The following NME7 variants were observed in gnomAD, a reference collection of about 807,000 sequenced individuals.
NME7 encodes nucleoside diphosphate kinase 7.
Under a neutral mutation model 49.1 loss-of-function variants are expected in NME7, and 41 were observed. The ratio of observed to expected loss-of-function variants is 0.83; its 90% confidence interval spans 0.65 to 1.08. NME7 has a LOEUF of 1.08. Among genes scored for constraint, NME7 ranks in the 50% least tolerant of loss-of-function variants. NME7 has a pLI of 0.00. For missense variants in NME7, 423 were observed against 463.4 expected (o/e 0.91, Z 0.80); for synonymous variants, 139 against 150.6 (o/e 0.92, Z 0.56).
At chr1:169,277,422 T>A (rs1649782017) in intron 7 of NME7, among the ~76,000 whole-genome samples, 1 of 135,568 alleles carries the variant, frequency 7.4e-6, no homozygotes, top group Admixed American at 7.7e-5. Flanking sequence ...GTTGAATTGA[T>A]CCCTTTACCA....
chr1:169,346,590 C>T (rs1652959165), intron 1 of NME7, among the ~76,000 whole-genome samples: 1 of 152,192 alleles, frequency 6.6e-6, no homozygotes, highest in South Asian at 2.1e-4. Context: ...ATTCATTACC[C>T]TGCTCATTTT....
intron 11 of NME7, among the ~76,000 whole-genome samples, chr1:169,166,083 T>C (rs1427710051): frequency 6.6e-6 from 1 of 152,198 alleles, no homozygotes; most frequent in Non-Finnish European, 1.5e-5. Flanking sequence ...AACAAAATCA[T>C]AGGCATACCT....
At chr1:169,358,623 A>G (rs1653542797) in intron 1 of NME7, among the ~76,000 whole-genome samples, 1 of 152,150 alleles carries the variant, frequency 6.6e-6, no homozygotes, top group African/African-American at 2.4e-5. Context: ...TTACAAAGAA[A>G]TATTGTAGGT....
intron 11 of NME7, among the ~76,000 whole-genome samples, chr1:169,158,395 C>A (rs1052381132): frequency 2.0e-5 from 3 of 151,878 alleles, no homozygotes. Context: ...TTTTTGCAAC[C>A]CTGCTCTTTA....
chr1:169,361,785 A>T (rs1450228222), intron 1 of NME7, among the ~76,000 whole-genome samples: 1 of 151,920 alleles, frequency 6.6e-6, no homozygotes, highest in Non-Finnish European at 1.5e-5. Flanking sequence ...CTGTCTAAAA[A>T]AAAAAAAAGG....
chr1:169,318,320 G>C (rs1234847230), intron 3 of NME7, among the ~76,000 whole-genome samples: 1 of 152,176 alleles, frequency 6.6e-6, no homozygotes, highest in Non-Finnish European at 1.5e-5. Flanking sequence ...TCATCAGTTA[G>C]TAATTTGGAG....
At chr1:169,206,914 T>C (rs1660689393) in intron 10 of NME7, among the ~76,000 whole-genome samples, 1 of 152,188 alleles carries the variant, frequency 6.6e-6, no homozygotes, top group African/African-American at 2.4e-5. Flanking sequence ...TTTATGGAAT[T>C]CTAATATTCA....
At chr1:169,317,646 G>A (rs1227643379) in intron 3 of NME7, among the ~76,000 whole-genome samples, 1 of 152,058 alleles carries the variant, frequency 6.6e-6, no homozygotes, top group East Asian at 1.9e-4. Flanking sequence ...AACAGTAATT[G>A]GTATTGAGGG....
At chr1:169,300,960 A>C (rs1650912208) in intron 5 of NME7, among the ~76,000 whole-genome samples, 1 of 152,156 alleles carries the variant, frequency 6.6e-6, no homozygotes, top group Non-Finnish European at 1.5e-5. Flanking sequence ...ATTTAAAAGT[A>C]AGACCTCAAA....
Position 169,353,314 on chromosome 1 carries a change from T to G in NME7, c.3+14394A>C, listed in dbSNP as rs144151862. 3.4e-3 allele frequency among the ~76,000 whole-genome samples: 524 copies of G among 152,166 alleles called. 4 individuals are homozygous for G. Among genetic ancestry groups the G allele is most frequent in the African/African-American group, 0.012 (500 of 41,536 alleles). ...TGGAGAAGACAGCCTCTTCAATAAA[T>G]GGTACTGGAAAAACTGGGTATTTAT... On this transcript the variant is annotated intron_variant, in intron 1 of 11. Coordinates refer to ENST00000367811, the MANE Select transcript of NME7 (RefSeq NM_013330.5).
intron 1 of NME7, among the ~76,000 whole-genome samples, chr1:169,341,570 A>G (rs1293647335): frequency 2.0e-5 from 3 of 152,100 alleles, no homozygotes; most frequent in African/African-American, 7.2e-5. Flanking sequence ...AGAATGGTAG[A>G]TCCACTCACA....
intron 1 of NME7, among the ~76,000 whole-genome samples, chr1:169,334,985 A>G (rs1406425226): frequency 2.6e-5 from 4 of 152,244 alleles, no homozygotes; most frequent in African/African-American, 4.8e-5. Flanking sequence ...ACTAATCATC[A>G]GAGAAATGCA....
At chr1:169,181,652 T>A (rs1452260351) in intron 10 of NME7, among the ~76,000 whole-genome samples, 1 of 152,154 alleles carries the variant, frequency 6.6e-6, no homozygotes, top group Non-Finnish European at 1.5e-5. Flanking sequence ...CTGTCCTACC[T>A]CTTCCCCTCC....
chr1:169,213,450 T>C (rs1347802671), intron 10 of NME7, among the ~76,000 whole-genome samples: 1 of 152,134 alleles, frequency 6.6e-6, no homozygotes, highest in Non-Finnish European at 1.5e-5. Flanking sequence ...ATTTTATCTA[T>C]TTTTTTAAAT....
At chr1:169,251,195 T>C (rs1648558135) in intron 7 of NME7, among the ~76,000 whole-genome samples, 1 of 152,126 alleles carries the variant, frequency 6.6e-6, no homozygotes, top group Non-Finnish European at 1.5e-5. Flanking sequence ...TAATATCTTC[T>C]TGTTGGATTG....
intron 10 of NME7, among the ~76,000 whole-genome samples, chr1:169,189,666 C>T (rs1200079): frequency 0.011 from 1,688 of 152,076 alleles, 20 homozygotes; most frequent in Middle Eastern, 0.024. Flanking sequence ...TCTGAGTACA[C>T]TATGCTTAAC....
intron 6 of NME7, among the ~76,000 whole-genome samples, chr1:169,296,600 C>T (rs1650718468): frequency 6.6e-6 from 1 of 152,094 alleles, no homozygotes; most frequent in Non-Finnish European, 1.5e-5. Flanking sequence ...AGCTGTCACA[C>T]TAATTTTTTT....
intron 5 of NME7, among the ~76,000 whole-genome samples, chr1:169,301,465 G>T (rs890792725): frequency 6.6e-6 from 1 of 152,070 alleles, no homozygotes; most frequent in Non-Finnish European, 1.5e-5. Context: ...GCTTATACAC[G>T]GTTGGTGGGA....
chr1:169,341,981 T>A (rs1299074777), intron 1 of NME7, among the ~76,000 whole-genome samples: 1 of 152,158 alleles, frequency 6.6e-6, no homozygotes, highest in Non-Finnish European at 1.5e-5. Flanking sequence ...ACTTTGGACT[T>A]GGACTCTTGA....
Sources: gnomAD v4.1 joint callset for allele counts (sites outside exome capture counted in the v4.1 genomes callset) on GRCh38, gnomAD v4.1.1 for gene constraint, MANE v1.5 for transcripts, NCBI Gene and HGNC (gene_info 2026-07-23, HGNC 2026-07-21) for gene names.